The following FER variants were observed in gnomAD, a reference collection of about 807,000 sequenced individuals.
The protein encoded by FER is tyrosine-protein kinase Fer.
Under a neutral mutation model 111.0 loss-of-function variants are expected in FER, and 63 were observed. That is an observed-to-expected ratio of 0.57 (90% CI 0.46 to 0.70). FER has a LOEUF of 0.70. Ranked by LOEUF, FER falls within the 30% of genes least tolerant of loss-of-function variation. FER has a pLI of 0.00. For synonymous variants in FER, 327 were observed against 313.9 expected (o/e 1.04, Z -0.44); for missense variants, 914 against 954.0 (o/e 0.96, Z 0.55).
chr5:108,785,402 G>A (rs867088884), intron 2 of FER: 114 of 588,312 alleles, frequency 1.9e-4, no homozygotes, highest in Middle Eastern at 1.1e-3. Flanking sequence ...AAATATCATC[G>A]TAGATGAACT....
At chr5:108,776,382 T>G (rs923857521) in intron 2 of FER, among the ~76,000 whole-genome samples, 2 of 152,134 alleles carry the variant, frequency 1.3e-5, no homozygotes, top group African/African-American at 4.8e-5. Context: ...CCCCTACAAT[T>G]TAGGCAATTT....
At chr5:108,776,999 G>A (rs572435321) in intron 2 of FER, among the ~76,000 whole-genome samples, 28 of 152,190 alleles carry the variant, frequency 1.8e-4, no homozygotes, top group African/African-American at 6.5e-4. Flanking sequence ...AGAAACTATT[G>A]TTTAAAAATC....
At chr5:109,170,951 A>T (rs1020263365) in intron 17 of FER, among the ~76,000 whole-genome samples, 2 of 152,190 alleles carry the variant, frequency 1.3e-5, no homozygotes, top group Non-Finnish European at 2.9e-5. Context: ...GTCATATGCT[A>T]GCCACCAGCT....
intron 5 of FER, among the ~76,000 whole-genome samples, chr5:108,863,412 C>T (rs1348116340): frequency 6.6e-6 from 1 of 152,088 alleles, no homozygotes; most frequent in Non-Finnish European, 1.5e-5. Context: ...AGCTGCTGCA[C>T]CCAGGCAATT....
intron 5 of FER, among the ~76,000 whole-genome samples, chr5:108,848,429 A>G (rs1478445236): frequency 6.6e-6 from 1 of 152,022 alleles, no homozygotes; most frequent in African/African-American, 2.4e-5. Flanking sequence ...TCTCTGGATT[A>G]ATTGAACATT....
intron 16 of FER, chr5:109,051,566 G>A (rs888141808): frequency 1.6e-5 from 25 of 1,609,574 alleles, no homozygotes; most frequent in African/African-American, 2.7e-5. Context: ...TCGTAATTGC[G>A]GCAAGAAGAA....
At chr5:108,753,430 G>A (rs900103968) in intron 1 of FER, among the ~76,000 whole-genome samples, 2 of 151,944 alleles carry the variant, frequency 1.3e-5, no homozygotes, top group African/African-American at 4.8e-5. Context: ...TACTTTAAAT[G>A]ATTTTTAACT....
intron 13 of FER, among the ~76,000 whole-genome samples, chr5:109,006,686 G>T (rs142333694): frequency 4.6e-5 from 7 of 151,888 alleles, no homozygotes; most frequent in African/African-American, 1.7e-4. Context: ...TAGGAAGGGT[G>T]GGGGGAGAAT....
At chr5:108,938,181 A>G (rs1253709400) in intron 10 of FER, among the ~76,000 whole-genome samples, 1 of 151,848 alleles carries the variant, frequency 6.6e-6, no homozygotes, top group Non-Finnish European at 1.5e-5. Context: ...GAGGTCAGGA[A>G]GCAATGAGAT....
intron 10 of FER, among the ~76,000 whole-genome samples, chr5:108,908,941 C>G (rs957731979): frequency 6.6e-6 from 1 of 151,766 alleles, no homozygotes; most frequent in Non-Finnish European, 1.5e-5. Context: ...TAAGGTGGGA[C>G]GATGGCTTGA....
At chr5:108,904,708 A>G (rs1389358603) in intron 10 of FER, among the ~76,000 whole-genome samples, 1 of 152,166 alleles carries the variant, frequency 6.6e-6, no homozygotes, top group East Asian at 1.9e-4. Flanking sequence ...TGTGTAAGAT[A>G]TATTTTAGGT....
Position 108,976,608 on chromosome 5 carries a change from T to C in FER, c.1656+17261T>C, listed in dbSNP as rs190408679. On this transcript the variant is annotated intron_variant, in intron 13 of 19. Coordinates refer to ENST00000281092, the MANE Select transcript of FER (RefSeq NM_005246.4). The stretch of plus-strand genomic sequence containing the variant: ...CCAGAAACAACTACTAATAGCCTAC[T>C]GTTGACCAGAAGCCTTACTGATAAC... Among the ~76,000 whole-genome samples, 117 of 152,324 alleles carry C rather than the reference T, an allele frequency of 7.7e-4. 1 individual carries two copies. Among genetic ancestry groups the C allele is most frequent in the African/African-American group, 2.7e-3 (111 of 41,590 alleles).
intron 16 of FER, among the ~76,000 whole-genome samples, chr5:109,077,298 T>G (rs1314788041): frequency 6.6e-6 from 1 of 152,164 alleles, no homozygotes; most frequent in Non-Finnish European, 1.5e-5. Flanking sequence ...TTTCTTAGAT[T>G]TTTACATCAA....
At chr5:109,159,664 A>C (rs1243477988) in intron 17 of FER, among the ~76,000 whole-genome samples, 1 of 152,208 alleles carries the variant, frequency 6.6e-6, no homozygotes, top group African/African-American at 2.4e-5. Context: ...ATCCTCTTTC[A>C]TAAAATGAGA....
In FER at chr5:108,804,418, A is replaced by G. The variant is rs558850058; in HGVS notation, c.207+6029A>G. ...CATCCTTGTCTTGTTCCAGTTCTCA[A>G]GGGGAATAGCTCAAGCATTTGCCGT... On this transcript the variant is annotated intron_variant, in intron 3 of 19. Coordinates refer to ENST00000281092, the MANE Select transcript of FER (RefSeq NM_005246.4). Among the ~76,000 whole-genome samples, 276 of 152,192 alleles carry G rather than the reference A, an allele frequency of 1.8e-3. 2 individuals are homozygous for G. The highest frequency in any genetic ancestry group is 6.1e-3 in the African/African-American group (253 of 41,524).
At chr5:109,081,705 TAAAAG>T in intron 16 of FER, among the ~76,000 whole-genome samples, 1 of 152,106 alleles carries the variant, frequency 6.6e-6, no homozygotes, top group East Asian at 1.9e-4. Flanking sequence ...AAAATACAAA[TAAAAG>T]AGAAATGTAA....
chr5:109,123,157 G>GCTTT (rs1554142075), intron 17 of FER, among the ~76,000 whole-genome samples: 1 of 124,230 alleles, frequency 8.0e-6, no homozygotes. Flanking sequence ...TTCCTGTCTT[G>GCTTT]TTTTTTTTTT....
intron 16 of FER, among the ~76,000 whole-genome samples, chr5:109,053,127 C>T (rs1443737121): frequency 7.9e-5 from 12 of 152,076 alleles, no homozygotes; most frequent in African/African-American, 2.4e-5. Flanking sequence ...TGGCTCACGC[C>T]TGTAATCCTA....
intron 17 of FER, among the ~76,000 whole-genome samples, chr5:109,123,522 T>C: frequency 6.6e-6 from 1 of 152,218 alleles, no homozygotes; most frequent in Non-Finnish European, 1.5e-5. Flanking sequence ...AATTTCTTGC[T>C]TTTTATTTTT....
Sources: allele counts gnomAD v4.1 joint callset (sites outside exome capture counted in the v4.1 genomes callset), GRCh38; gene constraint gnomAD v4.1.1; transcripts MANE v1.5; gene names NCBI Gene and HGNC (gene_info 2026-07-23, HGNC 2026-07-21).